ANKLE2: variants seen among roughly 807,000 people sequenced by gnomAD.
The protein encoded by ANKLE2 is ankyrin repeat and LEM domain containing 2.
A neutral mutation model predicts 84.2 loss-of-function variants in ANKLE2; 55 were observed. That is an observed-to-expected ratio of 0.65 (90% CI 0.53 to 0.82). The LOEUF (loss-of-function observed/expected upper bound fraction) is 0.82, where lower values mean the gene tolerates loss of function less well. Ranked by LOEUF, ANKLE2 falls within the 40% of genes least tolerant of loss-of-function variation. The probability of loss-of-function intolerance (pLI) is 0.00; values close to 1 mark genes in which losing one functional copy is unlikely to be tolerated. For missense variants in ANKLE2, 1,238 were observed against 1,201.9 expected, an observed-to-expected ratio of 1.03 and a Z score of -0.44; for synonymous variants, 551 against 486.1, an observed-to-expected ratio of 1.13 and a Z score of -1.76.
chr12:132,727,617 AC>A (rs1386231152), intron 12 of ANKLE2, among the ~76,000 whole-genome samples, 174 bp from the exon 13 acceptor site: 2 of 150,038 alleles, frequency 1.3e-5, no homozygotes, highest in East Asian at 4.0e-4. Context: ...GCACTGCTGA[AC>A]CCTGGCACCG....
At chr12:132,752,073 G>A (rs927257484) in intron 2 of ANKLE2, among the ~76,000 whole-genome samples, 4 of 151,980 alleles carry the variant, frequency 2.6e-5, no homozygotes, top group African/African-American at 7.2e-5. Context: ...GGGCACGGTG[G>A]CTCACGCCTG....
In ANKLE2 at chr12:132,743,314, T is replaced by G; in HGVS notation, c.1231-38A>C. 6.4e-7 allele frequency: 1 copy of G among 1,556,614 alleles called. No homozygotes were observed. The highest frequency in any genetic ancestry group is 8.7e-7 in the Non-Finnish European group (1 of 1,149,338). On this transcript the variant is annotated intron_variant, in intron 5 of 12. Coordinates refer to ENST00000357997, the MANE Select transcript of ANKLE2 (RefSeq NM_015114.3). This position sits in a 1 kb window ranked among gnomAD's most constrained non-coding sequence, Gnocchi z 4.1. ...GCAGAGGAAGTACAATTATTCACAC[T>G]TGTCTCATGAGGTTGCTCTAAGGTG...
Position 132,748,306 on chromosome 12 carries a change from TTC to T in ANKLE2, c.871_872del (p.Glu291AsnfsTer36). The T allele has an allele frequency of 1.2e-6, 2 of 1,614,208 alleles. No individual in the cohort carries two copies. Among genetic ancestry groups the T allele is most frequent in the Non-Finnish European group, 8.5e-7 (1 of 1,180,030 alleles). On this transcript the variant is annotated frameshift_variant, in exon 4 of 13. Coordinates refer to ENST00000357997, the MANE Select transcript of ANKLE2 (RefSeq NM_015114.3). LOFTEE classifies it high-confidence loss of function. ...LKDGLCLSES[E>X]TVNKERANSY... ...TGTTCGCTCGCTCTTTGTTGACTGT[TTC>T]TGATTCCGACAAGCACAAACCATCT...
At chr12:132,748,088 A>C in intron 4 of ANKLE2, 50 bp downstream of exon 4, 3 of 1,605,946 alleles carry the variant, frequency 1.9e-6, no homozygotes, top group Non-Finnish European at 2.6e-6. Context: ...GAGTGCTGCG[A>C]TGGAACGGCC....
chr12:132,741,273 A>G lies in ANKLE2; in HGVS notation c.1420+146T>C, dbSNP rs556722741. ...ATGAGCTAGGAGAGCTCAGGAGAAGAAAGGATGATCCCGAGGAGAGGCTTC... is the reference window on the plus strand; with the variant it reads ...ATGAGCTAGGAGAGCTCAGGAGAAGGAAGGATGATCCCGAGGAGAGGCTTC... On this transcript the variant is annotated intron_variant, in intron 7 of 12. Coordinates refer to ENST00000357997, the MANE Select transcript of ANKLE2 (RefSeq NM_015114.3). 64 of 733,758 alleles carry G rather than the reference A, an allele frequency of 8.7e-5. No homozygotes were observed. The Admixed American group carries it at 1.2e-3, about 14-fold the overall frequency. 45.5% of individuals were successfully genotyped at this position (733,758 alleles called of 1,614,324 possible). A position where few individuals can be genotyped will look rare whatever the true frequency, so the allele number is the denominator to read the frequency against.
chr12:132,754,622 C>T (rs1220794821), intron 2 of ANKLE2, 53 bp downstream of exon 2: 1 of 1,498,268 alleles, frequency 6.7e-7, no homozygotes, highest in Non-Finnish European at 8.9e-7. Flanking sequence ...GTCATCCCGC[C>T]CCTCCGCGTA....
intron 6 of ANKLE2, chr12:132,742,186 C>T (rs1188643125): frequency 2.3e-5 from 1 of 43,798 alleles, no homozygotes; most frequent in South Asian, 5.0e-4. Flanking sequence ...AGTACAGATA[C>T]ACACACACAC....
chr12:132,753,195 A>G (rs2044397082), intron 2 of ANKLE2, among the ~76,000 whole-genome samples: 1 of 151,828 alleles, frequency 6.6e-6, no homozygotes, highest in African/African-American at 2.4e-5. Flanking sequence ...CCGTGATCCC[A>G]GCGATCCCAA....
In ANKLE2 at chr12:132,736,944, T is replaced by C. The variant is rs1159352853; in HGVS notation, c.1542A>G (p.Arg514=). The C allele has an allele frequency of 1.9e-6, 3 of 1,613,858 alleles. No homozygotes were observed. The highest frequency in any genetic ancestry group is 1.7e-6 in the Non-Finnish European group (2 of 1,179,850). Residue 514 remains arginine (R), a synonymous_variant, in exon 8 of 13, where the codon AGA becomes AGG. Transcript: ENST00000357997. ...SHVSRYGGSP[R]DPVLTLRAFA... ...AGGCTCTCAGGGTCAGTACCGGGTC[T>C]CTGGGGCTGCCTCCATAGCGGCTGA... is the stretch of plus-strand genomic sequence containing the variant.
intron 1 of ANKLE2, chr12:132,757,674 T>C (rs2136185779): frequency 6.6e-6 from 1 of 152,292 alleles, no homozygotes; most frequent in East Asian, 1.9e-4. Flanking sequence ...TACTAAAAAA[T>C]TAGCCGGCCA....
chr12:132,748,039 C>A lies in ANKLE2; in HGVS notation c.1042-19G>T. 1 of 1,597,544 alleles carries A rather than the reference C, an allele frequency of 6.3e-7. No individual in the cohort carries two copies. The highest frequency in any genetic ancestry group is 8.5e-7 in the Non-Finnish European group (1 of 1,171,616). On this transcript the variant is annotated intron_variant, in intron 4 of 12. Transcript: ENST00000357997. ...ACCCTTCCTGAAAGAGAACCGCATG[C>A]TCTGAGCTTCCTATCTGATGTGTGG...
At position 132,750,705 on chromosome 12, in the gene ANKLE2, T is replaced by C; in HGVS notation, c.785A>G (p.Lys262Arg). The change falls in exon 3 of 13, where the codon AAA (lysine) becomes AGA (arginine). Residue 262 changes from lysine to arginine, a missense_variant. Lys to Arg is a conservative substitution (Grantham distance 26, BLOSUM62 2). Around this residue, in one of 3 missense-constraint regions of ANKLE2, gnomAD observed 422 missense variants for 394.5 expected, o/e 1.07. Coordinates refer to ENST00000357997, the MANE Select transcript of ANKLE2 (RefSeq NM_015114.3). ...CACAGGAGACAGTGGTAAGGACGTT[T>C]TGCTTGGAGAAGGGAAATAATCACA... ...GICDYFPSPS[K>R]TSLPLSPVKT... 1 of 1,614,252 alleles carries C rather than the reference T, an allele frequency of 6.2e-7. No individual in the cohort carries two copies. Among genetic ancestry groups the C allele is most frequent in the Non-Finnish European group, 8.5e-7 (1 of 1,180,052 alleles).
At position 132,746,761 on chromosome 12, in the gene ANKLE2, A is replaced by G. The variant is rs200278140; in HGVS notation, c.1230+1071T>C. ...TGCTTTATTTATCATAAACATATAA[A>G]TGAGGGTTGCTCAATGGCTGTGAGT... On this transcript the variant is annotated intron_variant, in intron 5 of 12. Coordinates refer to ENST00000357997, the MANE Select transcript of ANKLE2 (RefSeq NM_015114.3). Among the ~76,000 whole-genome samples the G allele has an allele frequency of 6.8e-4, 103 of 152,316 alleles. 1 individual carries two copies. Among genetic ancestry groups the G allele is most frequent in the South Asian group, 5.6e-3 (27 of 4,828 alleles).
At chr12:132,731,546 T>TCAC in intron 10 of ANKLE2, 1 of 116,516 alleles carries the variant, frequency 8.6e-6, no homozygotes, top group African/African-American at 3.1e-5. Flanking sequence ...ACACACAGTT[T>TCAC]AAACTGTATA....
intron 1 of ANKLE2, chr12:132,756,075 C>T: frequency 6.6e-6 from 1 of 152,004 alleles, no homozygotes; most frequent in East Asian, 2.0e-4. Flanking sequence ...GAACTCCCAA[C>T]CTCCCAAAGT....
Position 132,727,577 on chromosome 12 carries a change from C to T in ANKLE2, c.2616-134G>A, listed in dbSNP as rs556767263. ...GAGAGGCACTGGTGAACCCTGGCAC[C>T]GCGGGCACACACGCCCGGGTGGAAG... On this transcript the variant is annotated intron_variant, in intron 12 of 12. Coordinates refer to ENST00000357997, the MANE Select transcript of ANKLE2 (RefSeq NM_015114.3). The T allele has an allele frequency of 3.5e-4, 267 of 761,808 alleles. 1 individual carries two copies. The highest frequency in any genetic ancestry group is 3.3e-3 in the African/African-American group (183 of 55,546). The allele number at this position is 761,808 out of a possible 1,614,324, so 47.2% of individuals were successfully genotyped here.
chr12:132,751,930 A>G (rs141328396), intron 2 of ANKLE2, among the ~76,000 whole-genome samples: 1 of 152,364 alleles, frequency 6.6e-6, no homozygotes, highest in East Asian at 1.9e-4. Context: ...TAGTGGAACT[A>G]TCACAATTAA....
chr12:132,750,204 CA>C (rs1038591889), intron 3 of ANKLE2, among the ~76,000 whole-genome samples: 36 of 79,424 alleles, frequency 4.5e-4, no homozygotes, highest in South Asian at 1.5e-3. Flanking sequence ...GACTCCATCT[CA>C]AAAAAAAAAA....
intron 12 of ANKLE2, 62 bp from the exon 13 acceptor site, chr12:132,727,505 G>A: frequency 1.4e-6 from 2 of 1,430,120 alleles, no homozygotes; most frequent in Non-Finnish European, 1.8e-6. Context: ...AACAGCAAAA[G>A]TCGGAGAATA....
Sources: gnomAD v4.1 joint callset for allele counts (sites outside exome capture counted in the v4.1 genomes callset) on GRCh38, gnomAD v4.1.1 for gene constraint, gnomAD v4.1.1 regional missense constraint, Gnocchi (gnomAD v3.1) non-coding constraint, MANE v1.5 for transcripts, NCBI Gene and HGNC (gene_info 2026-07-23, HGNC 2026-07-21) for gene names.